Variants in ANXA8 observed in about 807,000 individuals in gnomAD.
The protein encoded by ANXA8 is VAC-beta.
ANXA8 carries 9 observed loss-of-function variants against 26.8 expected under a neutral mutation model. The observed-to-expected ratio is 0.34, with a 90% confidence interval of 0.20 to 0.59. The LOEUF (loss-of-function observed/expected upper bound fraction) is 0.59, where lower values mean the gene tolerates loss of function less well. Among genes scored for constraint, ANXA8 ranks in the 20% least tolerant of loss-of-function variants. The probability of loss-of-function intolerance (pLI) is 0.84; values close to 1 mark genes in which losing one functional copy is unlikely to be tolerated. For missense variants in ANXA8, 83 were observed against 238.5 expected, an observed-to-expected ratio of 0.35 and a Z score of 4.29; for synonymous variants, 39 against 94.8, an observed-to-expected ratio of 0.41 and a Z score of 3.42.
the ANXA8 span, among the ~76,000 whole-genome samples, chr10:47,744,880 A>T: frequency 1.3e-5 from 2 of 152,000 alleles, no homozygotes; most frequent in African/African-American, 4.8e-5. Context: ...GTTGACCAAA[A>T]ATGTGTCCTG....
At chr10:47,975,164 G>A in the ANXA8 span, among the ~76,000 whole-genome samples, 1 of 149,022 alleles carries the variant, frequency 6.7e-6, no homozygotes, top group South Asian at 2.2e-4. Context: ...ATTTAGATAA[G>A]GGATAGAAAG....
At chr10:47,646,614 TAA>T in the ANXA8 span, among the ~76,000 whole-genome samples, 2 of 150,968 alleles carry the variant, frequency 1.3e-5, no homozygotes, top group African/African-American at 2.5e-5. Context: ...TATGACCCTT[TAA>T]AAAAAAATGG....
chr10:47,686,225 CT>C, the ANXA8 span, among the ~76,000 whole-genome samples: 23,618 of 122,404 alleles, frequency 0.19, 887 homozygotes, highest in East Asian at 0.4. Context: ...GCTCCTATCA[CT>C]TTTTTTTTTT....
At chr10:47,700,622 C>T in the ANXA8 span, among the ~76,000 whole-genome samples, 1 of 150,248 alleles carries the variant, frequency 6.7e-6, no homozygotes, top group African/African-American at 2.5e-5. Flanking sequence ...TACTCAGAAT[C>T]CAGGGGCAGT....
the ANXA8 span, among the ~76,000 whole-genome samples, chr10:47,688,453 G>A: frequency 2.7e-5 from 4 of 149,124 alleles, no homozygotes; most frequent in Non-Finnish European, 4.5e-5. Context: ...ATGGAGTCTC[G>A]CTTTGTCGCC....
the ANXA8 span, among the ~76,000 whole-genome samples, chr10:47,603,605 G>A: frequency 2.7e-5 from 4 of 147,890 alleles, no homozygotes; most frequent in African/African-American, 5.3e-5. Context: ...TCCACTTCCC[G>A]GGTTCAAGTG....
chr10:47,548,683 T>C, the ANXA8 span, among the ~76,000 whole-genome samples: 13 of 149,832 alleles, frequency 8.7e-5, no homozygotes, highest in African/African-American at 3.2e-4. Flanking sequence ...TCCATAAATG[T>C]ACATTTTCCA....
At chr10:47,566,398 A>C in the ANXA8 span, among the ~76,000 whole-genome samples, 2 of 151,454 alleles carry the variant, frequency 1.3e-5, no homozygotes, top group African/African-American at 2.4e-5. Context: ...AAAAAAAAAA[A>C]AACTTTCTTG....
chr10:47,954,399 G>A, the ANXA8 span, among the ~76,000 whole-genome samples: 1 of 151,118 alleles, frequency 6.6e-6, no homozygotes, highest in African/African-American at 2.4e-5. Context: ...GCTGGGAAAA[G>A]GTTGTGGGTG....
the ANXA8 span, among the ~76,000 whole-genome samples, chr10:47,695,312 G>A: frequency 6.6e-6 from 1 of 151,208 alleles, no homozygotes; most frequent in Non-Finnish European, 1.5e-5. Context: ...CACCTGTTGG[G>A]AGGGAAAGGA....
chr10:47,577,667 C>T, the ANXA8 span, among the ~76,000 whole-genome samples: 1 of 127,944 alleles, frequency 7.8e-6, no homozygotes, highest in Non-Finnish European at 1.6e-5. Flanking sequence ...GAGCAAGAAC[C>T]TGTCACTAAA....
chr10:47,672,556 T>C, the ANXA8 span, among the ~76,000 whole-genome samples: 1 of 151,748 alleles, frequency 6.6e-6, no homozygotes, highest in Non-Finnish European at 1.5e-5. Flanking sequence ...GCTGGGGCTA[T>C]ACTGACAAAT....
the ANXA8 span, among the ~76,000 whole-genome samples, chr10:47,733,195 T>TC: frequency 4.5e-5 from 5 of 111,424 alleles, no homozygotes; most frequent in African/African-American, 1.7e-4. Context: ...CTTTCTTTCT[T>TC]TCTTTCTTTC....
chr10:47,683,589 T>C, the ANXA8 span, among the ~76,000 whole-genome samples: 1 of 151,962 alleles, frequency 6.6e-6, no homozygotes, highest in East Asian at 1.9e-4. Context: ...GCAAATTGAA[T>C]TTGGTTCAAT....
upstream of ANXA8, among the ~76,000 whole-genome samples, chr10:47,488,713 A>ATTTTTTTTTTTTTTTTT (rs1160121365): frequency 1.6e-5 from 1 of 62,106 alleles, no homozygotes; most frequent in Non-Finnish European, 2.7e-5. Flanking sequence ...TACATGTTAA[A>ATTTTTTTTTTTTTTTTT]TTTTTTTTTT....
the ANXA8 span, among the ~76,000 whole-genome samples, chr10:47,929,949 T>A: frequency 1.3e-5 from 2 of 152,162 alleles, no homozygotes. Flanking sequence ...CTTTCCATCA[T>A]ACTCAGGGCA....
At chr10:47,973,144 G>A in the ANXA8 span, 1 of 149,798 alleles carries the variant, frequency 6.7e-6, no homozygotes, top group Non-Finnish European at 1.5e-5. Flanking sequence ...TCAAACTTGT[G>A]GGACCAGAAA....
the ANXA8 span, among the ~76,000 whole-genome samples, chr10:47,561,055 T>C: frequency 1.3e-5 from 2 of 151,762 alleles, no homozygotes; most frequent in African/African-American, 4.9e-5. Context: ...CTCATCTGAC[T>C]GGAAAGCCTT....
the ANXA8 span, among the ~76,000 whole-genome samples, chr10:47,687,999 T>A: frequency 2.0e-5 from 3 of 151,724 alleles, no homozygotes; most frequent in African/African-American, 7.3e-5. Flanking sequence ...ACTCGGTAGG[T>A]TGAGACAGGA....
Sources: allele counts gnomAD v4.1 joint callset (sites outside exome capture counted in the v4.1 genomes callset), GRCh38; gene constraint gnomAD v4.1.1; transcripts MANE v1.5; gene names NCBI Gene and HGNC (gene_info 2026-07-23, HGNC 2026-07-21).